GCNT1: variants seen among roughly 807,000 people sequenced by gnomAD.
GCNT1 encodes glucosaminyl (N-acetyl) transferase 1, also known as beta-1,3-galactosyl-O-glycosyl-glycoprotein beta-1,6-N-acetylglucosaminyltransferase.
A neutral mutation model predicts 26.2 loss-of-function variants in GCNT1; 16 were observed. The observed-to-expected ratio is 0.61, with a 90% CI of 0.41 to 0.93. The LOEUF is 0.93. Ranked by LOEUF, GCNT1 falls within the 40% of genes least tolerant of loss-of-function variation. The pLI is 0.00. For missense variants in GCNT1, 477 were observed against 526.7 expected (o/e 0.91, Z 0.92); for synonymous variants, 183 against 190.8 (o/e 0.96, Z 0.34).
At chr9:76,413,658 T>TGTTTTTTTG in the GCNT1 span, among the ~76,000 whole-genome samples, 12 of 68,294 alleles carry the variant, frequency 1.8e-4, no homozygotes, top group African/African-American at 7.3e-4. Context: ...GTTTTGTTTT[T>TGTTTTTTTG]TTTTTTTTTG....
At chr9:76,479,972 G>T (rs1482986170) in intron 2 of GCNT1, among the ~76,000 whole-genome samples, 1 of 152,124 alleles carries the variant, frequency 6.6e-6, no homozygotes, top group Non-Finnish European at 1.5e-5. Context: ...TTCTTCTAGG[G>T]TTTTTATGGT....
upstream of GCNT1, among the ~76,000 whole-genome samples, chr9:76,458,471 C>T (rs552064639): frequency 1.3e-5 from 2 of 151,674 alleles, no homozygotes; most frequent in East Asian, 1.9e-4. Flanking sequence ...CGTGAGCCAC[C>T]GCGCCCGGCC....
chr9:76,453,920 A>T (rs770965840), intron 1 of GCNT1, among the ~76,000 whole-genome samples: 1 of 152,194 alleles, frequency 6.6e-6, no homozygotes, highest in Non-Finnish European at 1.5e-5. Flanking sequence ...AGATCTAGGT[A>T]AGGAGAGACT....
the GCNT1 span, among the ~76,000 whole-genome samples, chr9:76,409,549 G>A: frequency 6.6e-6 from 1 of 152,098 alleles, no homozygotes; most frequent in African/African-American, 2.4e-5. Context: ...GGGTTCAAGT[G>A]ATTCTCGTGC....
In GCNT1 at chr9:76,504,676, A is replaced by G. The variant is rs1825188439; in HGVS notation, c.*1008A>G. 3 of 413,014 alleles carry G rather than the reference A, an allele frequency of 7.3e-6. No individual in the cohort carries two copies. 25.6% of individuals were successfully genotyped at this position (413,014 alleles called of 1,614,324 possible). A position where few individuals can be genotyped will look rare whatever the true frequency, so the allele number is the denominator to read the frequency against. ...AACCAGCATTGACACCATCCCCAAA[A>G]TTAAGGCTGTCGCTTATTGAATCCA... On this transcript the variant is annotated 3_prime_UTR_variant, in exon 4 of 4. Transcript: ENST00000376730.
chr9:76,463,002 C>T (rs551634175), intron 2 of GCNT1, among the ~76,000 whole-genome samples: 70 of 152,120 alleles, frequency 4.6e-4, no homozygotes, highest in Non-Finnish European at 8.4e-4. Context: ...AGCAATAAAA[C>T]GAAGACTGCT....
At chr9:76,454,937 TC>T (rs1448782016), upstream of GCNT1, among the ~76,000 whole-genome samples, 1 of 134,862 alleles carries the variant, frequency 7.4e-6, no homozygotes, top group Non-Finnish European at 1.5e-5. Context: ...AACCTCCGCC[TC>T]CCGGGTTCAA....
rs780811950 is a variant in GCNT1, at chr9:76,502,834, C to T, written c.453C>T (p.Cys151=). Residue 151 remains cysteine, a synonymous_variant, in exon 4 of 4, where the codon TGC becomes TGT. Transcript: ENST00000376730. The part of the protein sequence containing the change: ...RAIYMPQNFY[C]IHVDTKSEDS... ...TCTATATGCCTCAGAATTTCTATTG[C>T]ATTCATGTGGACACAAAATCCGAGG... The T allele has an allele frequency of 3.1e-6, 5 of 1,613,832 alleles. No homozygotes were observed. The Admixed American group carries it at 6.7e-5, about 22-fold the overall frequency.
At chr9:76,467,044 C>CTTTTTTTTTTTTTTTTTTTTTT (rs368874355) in intron 2 of GCNT1, among the ~76,000 whole-genome samples, 1 of 146,908 alleles carries the variant, frequency 6.8e-6, no homozygotes, top group African/African-American at 2.5e-5. Flanking sequence ...CTCAGCTGAT[C>CTTTTTTTTTTTTTTTTTTTTTT]TTTTTTTTTT....
In GCNT1 at chr9:76,502,593, A is replaced by G; in HGVS notation, c.212A>G (p.Gln71Arg). Residue 71 changes from glutamine to arginine, a missense_variant, in exon 4 of 4, where the codon CAA becomes CGA. By Grantham distance (43) the Gln-to-Arg change is conservative. Transcript: ENST00000376730. ...TTACAGGGTGATGTAAATGAAATCCAAAAGGTAAAGCTTGAGATCCTAACA... is the reference window on the plus strand; with the variant it reads ...TTACAGGGTGATGTAAATGAAATCCGAAAGGTAAAGCTTGAGATCCTAACA... ...KVLQGDVNEIQKVKLEILTVK... is the reference protein window; with the variant it reads ...KVLQGDVNEIRKVKLEILTVK... The G allele has an allele frequency of 6.2e-7, 1 of 1,613,986 alleles. No homozygotes were observed. The highest frequency in any genetic ancestry group is 8.5e-7 in the Non-Finnish European group (1 of 1,179,892).
At chr9:76,414,706 G>C in the GCNT1 span, among the ~76,000 whole-genome samples, 1 of 152,132 alleles carries the variant, frequency 6.6e-6, no homozygotes, top group Non-Finnish European at 1.5e-5. Flanking sequence ...TGGTGCTAGT[G>C]GGAGTGTCTT....
At chr9:76,491,229 C>T (rs1286417147) in intron 2 of GCNT1, among the ~76,000 whole-genome samples, 2 of 152,156 alleles carry the variant, frequency 1.3e-5, no homozygotes, top group Non-Finnish European at 2.9e-5. Context: ...CTCTCTCTCT[C>T]TCTCTGACTT....
At chr9:76,455,767 A>C (rs1235889652), upstream of GCNT1, among the ~76,000 whole-genome samples, 1 of 151,864 alleles carries the variant, frequency 6.6e-6, no homozygotes, top group African/African-American at 2.4e-5. Context: ...GCACCCAGCT[A>C]ATTTTTATAT....
At chr9:76,478,502 CA>C (rs1047383409) in intron 2 of GCNT1, among the ~76,000 whole-genome samples, 42 of 152,206 alleles carry the variant, frequency 2.8e-4, no homozygotes, top group African/African-American at 8.9e-4. Context: ...CTGTAATACT[CA>C]CCGGGAGGGT....
chr9:76,443,876 G>GAAAAGAAAGAAAGAAA, intron 1 of GCNT1, among the ~76,000 whole-genome samples: 1 of 54,406 alleles, frequency 1.8e-5, no homozygotes, highest in African/African-American at 7.3e-5. Context: ...TCTAAAAAAA[G>GAAAAGAAAGAAAGAAA]GAAAGAAAGA....
At chr9:76,502,143 T>G in intron 3 of GCNT1, 96 bp from the exon 4 acceptor site, 1 of 180,432 alleles carries the variant, frequency 5.5e-6, no homozygotes, top group Non-Finnish European at 1.1e-5. Context: ...CCTGAGAAGA[T>G]TTATTGTGAA....
At chr9:76,490,401 T>G (rs620295) in intron 2 of GCNT1, among the ~76,000 whole-genome samples, 1 of 151,900 alleles carries the variant, frequency 6.6e-6, no homozygotes, top group East Asian at 1.9e-4. Flanking sequence ...GTAGATAAAC[T>G]TGATATTCTG....
intron 1 of GCNT1, among the ~76,000 whole-genome samples, chr9:76,424,864 G>C (rs746694747): frequency 6.6e-6 from 1 of 152,188 alleles, no homozygotes; most frequent in Non-Finnish European, 1.5e-5. Context: ...TCGAGGCTGG[G>C]AGTGGTGGCT....
In GCNT1 at chr9:76,504,782, T is replaced by C. The variant is rs1825190865; in HGVS notation, c.*1114T>C. 3 of 413,440 alleles carry C rather than the reference T, an allele frequency of 7.3e-6. No homozygotes were observed. The highest frequency in any genetic ancestry group is 1.3e-5 in the Non-Finnish European group (3 of 226,176). The allele number at this position is 413,440 out of a possible 1,614,324, so 25.6% of individuals were successfully genotyped here. A position where few individuals can be genotyped will look rare whatever the true frequency, so the allele number is the denominator to read the frequency against. ...GAAAGGACTTGGCCCTGTTCTTGGGTCTTCCCGTTACCTGCCCCCTGGGTG... is the reference window on the plus strand; with the variant it reads ...GAAAGGACTTGGCCCTGTTCTTGGGCCTTCCCGTTACCTGCCCCCTGGGTG... On this transcript the variant is annotated 3_prime_UTR_variant, in exon 4 of 4. Coordinates refer to ENST00000376730, the MANE Select transcript of GCNT1 (RefSeq NM_001490.5).
Sources: gnomAD v4.1 joint callset for allele counts (sites outside exome capture counted in the v4.1 genomes callset) on GRCh38, gnomAD v4.1.1 for gene constraint, MANE v1.5 for transcripts, NCBI Gene and HGNC (gene_info 2026-07-23, HGNC 2026-07-21) for gene names.